CDH18: variants seen among roughly 807,000 people sequenced by gnomAD.
CDH18 encodes cadherin-18.
A neutral mutation model predicts 67.9 loss-of-function variants in CDH18; 31 were observed. That is an observed-to-expected ratio of 0.46 (90% CI 0.34 to 0.62). The LOEUF is 0.62. CDH18 is among the 20% of genes least tolerant of loss of function. The probability of loss-of-function intolerance (pLI) is 0.01; values close to 1 mark genes in which losing one functional copy is unlikely to be tolerated. For missense variants in CDH18, 890 were observed against 975.5 expected (o/e 0.91, Z 1.17); for synonymous variants, 362 against 347.2 (o/e 1.04, Z -0.48).
intron 1 of CDH18, among the ~76,000 whole-genome samples, chr5:20,380,245 GGTTCAAATTTA>G (rs1386590443): frequency 1.3e-5 from 2 of 151,948 alleles, no homozygotes; most frequent in Non-Finnish European, 2.9e-5. Flanking sequence ...TGCAAATTTG[GGTTCAAATTTA>G]TTTTCAAGTA....
intron 2 of CDH18, among the ~76,000 whole-genome samples, chr5:20,172,218 ATATATG>A (rs1441096585): frequency 1.6e-4 from 13 of 80,700 alleles, no homozygotes; most frequent in East Asian, 3.0e-4. Flanking sequence ...ATATATATAT[ATATATG>A]TATATATATA....
At chr5:20,350,149 A>G (rs1384194579) in intron 1 of CDH18, among the ~76,000 whole-genome samples, 1 of 152,072 alleles carries the variant, frequency 6.6e-6, no homozygotes, top group Non-Finnish European at 1.5e-5. Flanking sequence ...TTATTCTAAT[A>G]TTTATTCTTA....
At chr5:20,117,272 G>C (rs879890739) in intron 2 of CDH18, among the ~76,000 whole-genome samples, 2 of 152,128 alleles carry the variant, frequency 1.3e-5, no homozygotes, top group Non-Finnish European at 2.9e-5. Flanking sequence ...GGAAAGCAGA[G>C]TAATCTGATT....
intron 1 of CDH18, among the ~76,000 whole-genome samples, chr5:20,453,993 A>G (rs764873386): frequency 2.6e-5 from 4 of 152,154 alleles, no homozygotes; most frequent in South Asian, 2.1e-4. Flanking sequence ...ACTGTTATGG[A>G]AAAGACTATA....
At chr5:19,948,040 A>G (rs1405236841) in intron 2 of CDH18, among the ~76,000 whole-genome samples, 1 of 152,336 alleles carries the variant, frequency 6.6e-6, no homozygotes, top group Admixed American at 6.5e-5. Context: ...GTTCAATATC[A>G]TTAGCTATCG....
intron 2 of CDH18, among the ~76,000 whole-genome samples, chr5:19,878,313 C>A (rs1207183788): frequency 2.0e-5 from 3 of 152,054 alleles, no homozygotes; most frequent in Non-Finnish European, 2.9e-5. Context: ...AGACCTTCAA[C>A]CATCATTCTA....
At chr5:20,255,635 T>C (rs758864281) in intron 1 of CDH18, 4 of 151,948 alleles carry the variant, frequency 2.6e-5, no homozygotes, top group African/African-American at 4.8e-5. Context: ...TTTGAAGAGA[T>C]AAATTTTTGA....
rs568954064 is a variant in CDH18 at position 20,544,642 on chromosome 5, T to G, written c.-580+30820A>C. ...AGCTCTCATTAGAATTCACTCACTA[T>G]CACCAGAACAGCATGGGGGAAACCA... is the stretch of plus-strand genomic sequence containing the variant. On this transcript the variant is annotated intron_variant, in intron 1 of 14. Coordinates refer to the CDH18 transcript ENST00000507958. Among the ~76,000 whole-genome samples, 6 of 152,158 alleles carry G rather than the reference T, an allele frequency of 3.9e-5. No homozygotes were observed. The South Asian group carries it at 1.2e-3, about 32-fold the overall frequency.
At chr5:20,090,210 G>A (rs1745301526) in intron 2 of CDH18, among the ~76,000 whole-genome samples, 1 of 152,158 alleles carries the variant, frequency 6.6e-6, no homozygotes, top group East Asian at 1.9e-4. Context: ...TGTTTGAAGA[G>A]TATATACAAA....
chr5:19,820,990 G>A (rs979502965), intron 3 of CDH18, among the ~76,000 whole-genome samples: 1 of 151,968 alleles, frequency 6.6e-6, no homozygotes, highest in Admixed American at 6.6e-5. Context: ...ATAATGAAAC[G>A]TTACTCATCT....
chr5:20,280,003 G>A (rs1419090318), intron 1 of CDH18, among the ~76,000 whole-genome samples: 1 of 151,640 alleles, frequency 6.6e-6, no homozygotes, highest in Non-Finnish European at 1.5e-5. Context: ...CAAAAACATT[G>A]AAATTACATC....
At chr5:20,363,980 A>C (rs1742309919) in intron 1 of CDH18, among the ~76,000 whole-genome samples, 1 of 152,152 alleles carries the variant, frequency 6.6e-6, no homozygotes, top group Non-Finnish European at 1.5e-5. Flanking sequence ...CAAAAGTGCC[A>C]CAAGTCCTAT....
intron 1 of CDH18, among the ~76,000 whole-genome samples, chr5:20,485,263 T>C (rs1369559747): frequency 1.3e-5 from 2 of 152,154 alleles, no homozygotes; most frequent in African/African-American, 2.4e-5. Context: ...ACTATACCAG[T>C]GTTCTAAGAC....
chr5:19,674,199 T>C (rs1462563254), intron 5 of CDH18, among the ~76,000 whole-genome samples: 2 of 152,048 alleles, frequency 1.3e-5, no homozygotes, highest in East Asian at 1.9e-4. Flanking sequence ...CACTAGAATA[T>C]GCAAATGAGA....
chr5:19,837,413 T>A (rs1781790815), intron 3 of CDH18, among the ~76,000 whole-genome samples: 1 of 151,658 alleles, frequency 6.6e-6, no homozygotes. Context: ...TATAATTTTT[T>A]TAAAAAAAAA....
intron 2 of CDH18, among the ~76,000 whole-genome samples, chr5:20,151,181 T>A (rs533052633): frequency 1.3e-4 from 20 of 152,148 alleles, no homozygotes; most frequent in Admixed American, 3.9e-4. Flanking sequence ...CCGTAGTGTC[T>A]ATTGATTTTA....
chr5:20,214,499 A>G (rs79911352), intron 2 of CDH18, among the ~76,000 whole-genome samples: 11 of 152,024 alleles, frequency 7.2e-5, no homozygotes, highest in African/African-American at 2.4e-4. Flanking sequence ...ACATAGACCA[A>G]TGGAAGAGAA....
intron 2 of CDH18, among the ~76,000 whole-genome samples, chr5:20,033,776 C>T (rs1391188718): frequency 2.0e-5 from 3 of 151,914 alleles, no homozygotes; most frequent in Non-Finnish European, 4.4e-5. Context: ...ATTACTAATG[C>T]CTGTACAATA....
rs1561436889 is a variant in CDH18, at chr5:19,849,611, C to CGCATATATATATAAACATATATATACAT, written c.-256-10370_-256-10369insATGTATATATATGTTTATATATATATGC. Among the ~76,000 whole-genome samples, 34 of 83,922 alleles carry CGCATATATATATAAACATATATATACAT rather than the reference C, an allele frequency of 4.1e-4. 1 individual carries two copies. Among genetic ancestry groups the CGCATATATATATAAACATATATATACAT allele is most frequent in the African/African-American group, 1.1e-3 (34 of 30,480 alleles). 55.1% of individuals were successfully genotyped at this position (83,922 alleles called of 152,430 possible). A position where few individuals can be genotyped will look rare whatever the true frequency, so the allele number is the denominator to read the frequency against. ...ATATATATATAAACATATATATACACGCATATATATATAAACATATATATA... is the reference window on the plus strand; with the variant it reads ...ATATATATATAAACATATATATACACGCATATATATATAAACATATATATACATGCATATATATATAAACATATATATA... On this transcript the variant is annotated intron_variant, in intron 2 of 12. Coordinates refer to ENST00000382275, the MANE Select transcript of CDH18 (RefSeq NM_004934.5).
Sources: allele counts gnomAD v4.1 joint callset (sites outside exome capture counted in the v4.1 genomes callset), GRCh38; gene constraint gnomAD v4.1.1; transcripts MANE v1.5; gene names NCBI Gene and HGNC (gene_info 2026-07-23, HGNC 2026-07-21).